Variants in FBXO8 observed in about 807,000 individuals in gnomAD.
The protein encoded by FBXO8 is F-box protein 8, also known as F-box only protein 8.
In FBXO8, 15 loss-of-function variants were observed where a neutral mutation model predicts 33.4. The ratio of observed to expected loss-of-function variants is 0.45; its 90% CI spans 0.30 to 0.69. The LOEUF is 0.69. Among genes scored for constraint, FBXO8 ranks in the 30% least tolerant of loss-of-function variants. FBXO8 has a pLI of 0.08. For synonymous variants in FBXO8, 132 were observed against 131.5 expected (o/e 1.00, Z -0.02); for missense variants, 274 against 380.3 (o/e 0.72, Z 2.32).
intron 3 of FBXO8, among the ~76,000 whole-genome samples, chr4:174,243,458 T>C (rs1467702165): frequency 6.6e-6 from 1 of 150,750 alleles, no homozygotes; most frequent in Non-Finnish European, 1.5e-5. Context: ...TAACTGTCTC[T>C]AATAAGCAAG....
At position 174,261,803 on chromosome 4, in the gene FBXO8, G is replaced by A. The variant is rs372494543; in HGVS notation, c.329+961C>T. 6.6e-6 allele frequency among the ~76,000 whole-genome samples: 1 copy of A among 151,952 alleles called. No individual in the cohort carries two copies. Among genetic ancestry groups the A allele is most frequent in the Non-Finnish European group, 1.5e-5 (1 of 67,896 alleles). On this transcript the variant is annotated intron_variant, in intron 2 of 5. Coordinates refer to ENST00000393674, the MANE Select transcript of FBXO8 (RefSeq NM_012180.3). This position sits in a 1 kb window ranked among gnomAD's most constrained non-coding sequence, Gnocchi z 4.1. ...TGAAAATATATTTTGACTAAAGTTT[G>A]TAATTTATTAAGTCTCTCAATTAGA... is the stretch of plus-strand genomic sequence containing the variant.
chr4:174,254,137 T>G lies in FBXO8; in HGVS notation c.456+5562A>C, dbSNP rs574753073. On this transcript the variant is annotated intron_variant, in intron 3 of 5. Transcript: ENST00000393674. This position sits in a 1 kb window ranked among gnomAD's most constrained non-coding sequence, Gnocchi z 4.2. ...GAAGCCAGTCATAAAATGTGGAACA[T>G]GCTGAGTCGAGCAGCATAATGAAGG... 6.6e-6 allele frequency among the ~76,000 whole-genome samples: 1 copy of G among 152,224 alleles called. No homozygotes were observed. Among genetic ancestry groups the G allele is most frequent in the Non-Finnish European group, 1.5e-5 (1 of 68,036 alleles).
intron 1 of FBXO8, among the ~76,000 whole-genome samples, chr4:174,280,837 A>C (rs964370759): frequency 4.6e-5 from 7 of 152,230 alleles, no homozygotes; most frequent in African/African-American, 1.7e-4. Flanking sequence ...AAAACTGGAA[A>C]CAAAAGGTAG....
At chr4:174,268,656 T>A (rs908240398) in intron 1 of FBXO8, among the ~76,000 whole-genome samples, 7 of 152,200 alleles carry the variant, frequency 4.6e-5, no homozygotes, top group Non-Finnish European at 8.8e-5. Context: ...CAGGATGGTC[T>A]CCATCTCCTG....
At position 174,241,895 on chromosome 4, in the gene FBXO8, A is replaced by G. The variant is rs1736049169; in HGVS notation, c.457-677T>C. 6.6e-6 allele frequency among the ~76,000 whole-genome samples: 1 copy of G among 151,530 alleles called. No individual in the cohort carries two copies. The highest frequency in any genetic ancestry group is 1.5e-5 in the Non-Finnish European group (1 of 67,584). On this transcript the variant is annotated intron_variant, in intron 3 of 5. Coordinates refer to ENST00000393674, the MANE Select transcript of FBXO8 (RefSeq NM_012180.3). This position sits in a 1 kb window ranked among gnomAD's most constrained non-coding sequence, Gnocchi z 4.2. ...TTTGAATTTCCTTTTCTCTGCATGC[A>G]AAGTTTTCCAGAGAAGCATTACCCA...
Position 174,256,261 on chromosome 4 carries a change from T to C in FBXO8, c.456+3438A>G. ...TTACAATACTAAGCAATTATATACA[T>C]CTTATCTCAGGTACTTGCAAAAAGC... On this transcript the variant is annotated intron_variant, in intron 3 of 5. Transcript: ENST00000393674. This position sits in a 1 kb window ranked among gnomAD's most constrained non-coding sequence, Gnocchi z 4.6. 2.6e-6 allele frequency: 1 copy of C among 388,956 alleles called. No homozygotes were observed. Among genetic ancestry groups the C allele is most frequent in the Non-Finnish European group, 5.1e-6 (1 of 197,226 alleles). The allele number at this position is 388,956 out of a possible 1,614,324, so 24.1% of individuals were successfully genotyped here. A position where few individuals can be genotyped will look rare whatever the true frequency, so the allele number is the denominator to read the frequency against.
Position 174,270,169 on chromosome 4 carries a change from G to A in FBXO8, c.-8-7069C>T, listed in dbSNP as rs191866434. 2.6e-5 allele frequency among the ~76,000 whole-genome samples: 4 copies of A among 152,268 alleles called. No individual in the cohort carries two copies. Among genetic ancestry groups the A allele is most frequent in the East Asian group, 1.9e-4 (1 of 5,184 alleles). On this transcript the variant is annotated intron_variant, in intron 1 of 5. Transcript: ENST00000393674. This position sits in a 1 kb window ranked among gnomAD's most constrained non-coding sequence, Gnocchi z 4.6. Reference sequence around the variant, plus strand: ...TGTGTATAAACATGCCACATTAGCCGAGACAGAGCTATTTTATTAAATTAA... The same window carrying A: ...TGTGTATAAACATGCCACATTAGCCAAGACAGAGCTATTTTATTAAATTAA...
rs1318591748 is a variant in FBXO8 at position 174,275,672 on chromosome 4, A to G, written c.-9+7738T>C. On this transcript the variant is annotated intron_variant, in intron 1 of 5. Coordinates refer to ENST00000393674, the MANE Select transcript of FBXO8 (RefSeq NM_012180.3). The surrounding 1 kb of genome is among the most constrained non-coding windows in gnomAD (Gnocchi z 4.4). ...AATTAGAAACTCTAATGAATGCTTT[A>G]AAGAGGGTGAGCAAAGACATGGGAA... Among the ~76,000 whole-genome samples the G allele has an allele frequency of 6.6e-6, 1 of 152,208 alleles. No homozygotes were observed. The highest frequency in any genetic ancestry group is 1.5e-5 in the Non-Finnish European group (1 of 68,026).
Position 174,241,327 on chromosome 4 carries a change from A to G in FBXO8, c.457-109T>C, listed in dbSNP as rs1736031910. 2 of 580,648 alleles carry G rather than the reference A, an allele frequency of 3.4e-6. No individual in the cohort carries two copies. Among genetic ancestry groups the G allele is most frequent in the South Asian group, 2.8e-5 (1 of 35,390 alleles). 36.0% of individuals were successfully genotyped at this position (580,648 alleles called of 1,614,324 possible). On this transcript the variant is annotated intron_variant, in intron 3 of 5. Coordinates refer to ENST00000393674, the MANE Select transcript of FBXO8 (RefSeq NM_012180.3). This position sits in a 1 kb window ranked among gnomAD's most constrained non-coding sequence, Gnocchi z 4.2. The stretch of plus-strand genomic sequence containing the variant: ...TATAAATTCTTTCCAGCATTAATAG[A>G]CTTTTTGTAGCTTTATCATGCAAAA...
rs1737183549 is a variant in FBXO8, at chr4:174,283,245, A to G, written c.-9+165T>C. On this transcript the variant is annotated intron_variant, in intron 1 of 5. Coordinates refer to ENST00000393674, the MANE Select transcript of FBXO8 (RefSeq NM_012180.3). This position sits in a 1 kb window ranked among gnomAD's most constrained non-coding sequence, Gnocchi z 6.7. The stretch of plus-strand genomic sequence containing the variant: ...TGATTCCTCACTTTAATGAGCCACC[A>G]CTACTGTCACTCAAGATGCTTCGCA... Among the ~76,000 whole-genome samples the G allele has an allele frequency of 3.3e-5, 5 of 152,206 alleles. No individual in the cohort carries two copies. Among genetic ancestry groups the G allele is most frequent in the Admixed American group, 3.3e-4 (5 of 15,278 alleles).
rs1381561897 is a variant in FBXO8, at chr4:174,247,070, T to C, written c.457-5852A>G. 6.6e-6 allele frequency among the ~76,000 whole-genome samples: 1 copy of C among 152,060 alleles called. No individual in the cohort carries two copies. Among genetic ancestry groups the C allele is most frequent in the African/African-American group, 2.4e-5 (1 of 41,414 alleles). The stretch of plus-strand genomic sequence containing the variant: ...AAGGTTAAGCAAAATCTACCATACA[T>C]ATGTTCAGAATCAGTAAATATATAT... On this transcript the variant is annotated intron_variant, in intron 3 of 5. Transcript: ENST00000393674. This position sits in a 1 kb window ranked among gnomAD's most constrained non-coding sequence, Gnocchi z 4.6.
intron 5 of FBXO8, 73 bp downstream of exon 5, chr4:174,238,921 A>T: frequency 1.1e-6 from 1 of 943,246 alleles, no homozygotes; most frequent in Non-Finnish European, 1.5e-6. Flanking sequence ...CAGTGAGACA[A>T]ATGTCTCATA....
rs1298457179 is a variant in FBXO8, at chr4:174,274,949, G to A, written c.-9+8461C>T. Among the ~76,000 whole-genome samples the A allele has an allele frequency of 1.3e-5, 2 of 152,070 alleles. No homozygotes were observed. Among genetic ancestry groups the A allele is most frequent in the Non-Finnish European group, 2.9e-5 (2 of 68,018 alleles). ...ATGATCATGAAAGTAAAAATTGATC[G>A]AATTCATCAAAATAAAAAATTTTTG... On this transcript the variant is annotated intron_variant, in intron 1 of 5. Transcript: ENST00000393674. The surrounding 1 kb of genome is among the most constrained non-coding windows in gnomAD (Gnocchi z 4.0).
At position 174,283,400 on chromosome 4, in the gene FBXO8, AC is replaced by A. The variant is rs1737192319; in HGVS notation, c.-9+9del. 6.6e-6 allele frequency: 1 copy of A among 152,288 alleles called. No individual in the cohort carries two copies. Among genetic ancestry groups the A allele is most frequent in the African/African-American group, 2.4e-5 (1 of 40,990 alleles). The allele number at this position is 152,288 out of a possible 1,614,324, so 9.4% of individuals were successfully genotyped here. ...CAAGAGATCTAAAATATCTAGGTTG[AC>A]TCCTGTACCTGAGCGACCTGCGATC... On this transcript the variant is annotated intron_variant, in intron 1 of 5. Coordinates refer to ENST00000393674, the MANE Select transcript of FBXO8 (RefSeq NM_012180.3). The surrounding 1 kb of genome is among the most constrained non-coding windows in gnomAD (Gnocchi z 6.7).
intron 3 of FBXO8, among the ~76,000 whole-genome samples, chr4:174,243,819 T>C (rs921627587): frequency 6.6e-6 from 1 of 150,968 alleles, no homozygotes; most frequent in Admixed American, 6.6e-5. Flanking sequence ...GATATATATA[T>C]ATATAGTATT....
At chr4:174,242,040 C>T (rs1419675203) in intron 3 of FBXO8, among the ~76,000 whole-genome samples, 5 of 151,516 alleles carry the variant, frequency 3.3e-5, no homozygotes, top group East Asian at 1.9e-4. Context: ...TAAATGTCTT[C>T]GCTGGATTTG....
rs1444197160 is a variant in FBXO8 at position 174,262,822 on chromosome 4, G to C, written c.271C>G (p.Leu91Val). ...TILSYLNATD[L>V]CLASCVWQDL... Reference sequence around the variant, plus strand: ...TGCCAAACACATGAAGCCAAGCAAAGGTCAGTTGCATTCAGGTAGGACAAG... The same window carrying C: ...TGCCAAACACATGAAGCCAAGCAAACGTCAGTTGCATTCAGGTAGGACAAG... Residue 91 changes from leucine (L) to valine (V), a missense_variant, in exon 2 of 6, where the codon CTT (leucine) becomes GTT (valine). By Grantham distance (32) the Leu-to-Val change is conservative (BLOSUM62 1). This residue lies in a region of FBXO8 where 186 missense variants were observed against 293.4 expected (regional missense o/e 0.63). Coordinates refer to ENST00000393674, the MANE Select transcript of FBXO8 (RefSeq NM_012180.3). This position sits in a 1 kb window ranked among gnomAD's most constrained non-coding sequence, Gnocchi z 4.6. 1 of 1,613,974 alleles carries C rather than the reference G, an allele frequency of 6.2e-7. No homozygotes were observed. The highest frequency in any genetic ancestry group is 1.7e-5 in the Admixed American group (1 of 59,964).
At chr4:174,239,393 G>A (rs984140859) in intron 4 of FBXO8, among the ~76,000 whole-genome samples, 15 of 151,746 alleles carry the variant, frequency 9.9e-5, no homozygotes, top group Non-Finnish European at 2.2e-4. Flanking sequence ...AATCTCTCAT[G>A]AGTAGTTTAT....
intron 1 of FBXO8, chr4:174,269,008 A>T (rs6553777): frequency 0.33 from 49,675 of 151,980 alleles, 8,582 homozygotes; most frequent in Non-Finnish European, 0.37. Context: ...AAAATTATAA[A>T]TAATGAAGAT....
Sources: gnomAD v4.1 joint callset for allele counts (sites outside exome capture counted in the v4.1 genomes callset) on GRCh38, gnomAD v4.1.1 for gene constraint, gnomAD v4.1.1 regional missense constraint, Gnocchi (gnomAD v3.1) non-coding constraint, MANE v1.5 for transcripts, NCBI Gene and HGNC (gene_info 2026-07-23, HGNC 2026-07-21) for gene names.